PELI2: variants seen among roughly 807,000 people sequenced by gnomAD.
PELI2 encodes the protein pellino E3 ubiquitin protein ligase family member 2.
In PELI2, 23 loss-of-function variants were observed where a neutral mutation model predicts 42.3. That is an observed-to-expected ratio of 0.54 (90% CI 0.39 to 0.77). The LOEUF (loss-of-function observed/expected upper bound fraction) is 0.77, where lower values mean the gene tolerates loss of function less well. PELI2 is among the 30% of genes least tolerant of loss of function. The probability of loss-of-function intolerance (pLI) is 0.00; values close to 1 mark genes in which losing one functional copy is unlikely to be tolerated. For missense variants in PELI2, 463 were observed against 553.2 expected (o/e 0.84, Z 1.64); for synonymous variants, 245 against 212.2 (o/e 1.15, Z -1.34).
At chr14:56,145,190 G>A (rs556784549) in intron 1 of PELI2, among the ~76,000 whole-genome samples, 3 of 152,284 alleles carry the variant, frequency 2.0e-5, no homozygotes, top group African/African-American at 7.2e-5. Context: ...TCTTCACATG[G>A]CAGAGCAGGA....
intron 1 of PELI2, among the ~76,000 whole-genome samples, chr14:56,176,127 GCAT>G (rs1885372597): frequency 1.3e-5 from 2 of 152,230 alleles, no homozygotes; most frequent in Non-Finnish European, 2.9e-5. Flanking sequence ...GAAGATGTTG[GCAT>G]GGCCATTTCA....
At chr14:56,144,729 A>G (rs771813569) in intron 1 of PELI2, among the ~76,000 whole-genome samples, 24 of 152,236 alleles carry the variant, frequency 1.6e-4, no homozygotes, top group Non-Finnish European at 3.1e-4. Context: ...AAAATTTTGT[A>G]AAGACATGAT....
chr14:56,173,822 A>G (rs1885267706), intron 1 of PELI2, among the ~76,000 whole-genome samples: 1 of 152,336 alleles, frequency 6.6e-6, no homozygotes, highest in East Asian at 1.9e-4. Context: ...GTAATCGAGG[A>G]TGATCTCATC....
chr14:56,239,519 C>G (rs1160873689), intron 2 of PELI2, among the ~76,000 whole-genome samples: 2 of 152,096 alleles, frequency 1.3e-5, no homozygotes, highest in East Asian at 3.8e-4. Context: ...ATTTTTAAAC[C>G]TGCCCTTATT....
intron 1 of PELI2, among the ~76,000 whole-genome samples, chr14:56,125,557 C>CT (rs1277098716): frequency 1.3e-5 from 2 of 151,926 alleles, no homozygotes; most frequent in African/African-American, 2.4e-5. Flanking sequence ...TTTTTACTTA[C>CT]TTTTTTTTCT....
intron 1 of PELI2, among the ~76,000 whole-genome samples, chr14:56,132,195 C>T (rs988647578): frequency 9.2e-5 from 14 of 152,128 alleles, no homozygotes; most frequent in South Asian, 2.1e-4. Flanking sequence ...CTGAGTGACT[C>T]GTGTGACTCT....
intron 2 of PELI2, among the ~76,000 whole-genome samples, chr14:56,213,962 C>T (rs1886803261): frequency 6.6e-6 from 1 of 152,116 alleles, no homozygotes; most frequent in African/African-American, 2.4e-5. Context: ...GGTGATTCTC[C>T]CACCTCAGCC....
chr14:56,289,125 G>T (rs1889742014), intron 4 of PELI2, among the ~76,000 whole-genome samples: 1 of 152,138 alleles, frequency 6.6e-6, no homozygotes, highest in East Asian at 1.9e-4. Flanking sequence ...AAGTTTTAGT[G>T]AATATCCAGG....
intron 2 of PELI2, among the ~76,000 whole-genome samples, chr14:56,195,454 G>A (rs1886098019): frequency 6.6e-6 from 1 of 152,192 alleles, no homozygotes; most frequent in African/African-American, 2.4e-5. Flanking sequence ...GCTGGTTTGA[G>A]GCTGAAGCAG....
At chr14:56,188,598 A>G (rs1320104753) in intron 2 of PELI2, among the ~76,000 whole-genome samples, 3 of 152,164 alleles carry the variant, frequency 2.0e-5, no homozygotes, top group Non-Finnish European at 4.4e-5. Flanking sequence ...AAATTTTTCT[A>G]TTATAAATAG....
intron 2 of PELI2, among the ~76,000 whole-genome samples, chr14:56,233,159 C>G (rs144505654): frequency 0.4 from 61,272 of 151,886 alleles, 13,073 homozygotes; most frequent in South Asian, 0.53. Flanking sequence ...GAATCAATAT[C>G]GTGAAATGGC....
chr14:56,125,402 G>A (rs1883214632), intron 1 of PELI2, among the ~76,000 whole-genome samples: 1 of 124,406 alleles, frequency 8.0e-6, no homozygotes, highest in African/African-American at 2.9e-5. Flanking sequence ...GAGGAAGAGA[G>A]TTATTGGGTG....
At chr14:56,295,017 A>G (rs1273803890) in intron 5 of PELI2, among the ~76,000 whole-genome samples, 1 of 152,094 alleles carries the variant, frequency 6.6e-6, no homozygotes, top group Non-Finnish European at 1.5e-5. Context: ...TGTGGAAAGC[A>G]CTGTTCTACC....
At chr14:56,251,864 G>C (rs1888355740) in intron 2 of PELI2, among the ~76,000 whole-genome samples, 1 of 152,182 alleles carries the variant, frequency 6.6e-6, no homozygotes, top group South Asian at 2.1e-4. Flanking sequence ...GGATGTTTTA[G>C]CTATTCAATT....
intron 5 of PELI2, among the ~76,000 whole-genome samples, chr14:56,293,838 A>G (rs977557879): frequency 6.6e-6 from 1 of 152,234 alleles, no homozygotes; most frequent in Non-Finnish European, 1.5e-5. Flanking sequence ...TTGTTTACCA[A>G]GAACTGCCCT....
At chr14:56,262,229 C>T (rs980850013) in intron 2 of PELI2, among the ~76,000 whole-genome samples, 2 of 152,174 alleles carry the variant, frequency 1.3e-5, no homozygotes, top group African/African-American at 2.4e-5. Flanking sequence ...CTAACACTAA[C>T]CCTGGTATTT....
rs143672361 is a variant in PELI2 at position 56,181,384 on chromosome 14, G to T, written c.207+2920G>T. 7.0e-4 allele frequency among the ~76,000 whole-genome samples: 83 copies of T among 118,546 alleles called. No individual in the cohort carries two copies. In the East Asian group the frequency reaches 0.018, roughly 25 times the overall value. The allele number at this position is 118,546 out of a possible 152,430, so 77.8% of individuals were successfully genotyped here. On this transcript the variant is annotated intron_variant, in intron 2 of 5. Coordinates refer to ENST00000267460, the MANE Select transcript of PELI2 (RefSeq NM_021255.3). ...TTTTGGTCTTTATTACTCACCCCAT[G>T]CCCCTTAAGAATGCCAGTAAATGTC... is the stretch of plus-strand genomic sequence containing the variant.
chr14:56,257,309 T>C (rs1369865732), intron 2 of PELI2, among the ~76,000 whole-genome samples: 2 of 152,144 alleles, frequency 1.3e-5, no homozygotes, highest in African/African-American at 4.8e-5. Context: ...AAGAAGTAAG[T>C]AAGTAAAATA....
chr14:56,294,172 G>A (rs1246275730), intron 5 of PELI2, among the ~76,000 whole-genome samples: 1 of 152,144 alleles, frequency 6.6e-6, no homozygotes, highest in Non-Finnish European at 1.5e-5. Context: ...ACTAATACTT[G>A]GGAAGGGCTG....
Sources: allele counts gnomAD v4.1 joint callset (sites outside exome capture counted in the v4.1 genomes callset), GRCh38; gene constraint gnomAD v4.1.1; transcripts MANE v1.5; gene names NCBI Gene and HGNC (gene_info 2026-07-23, HGNC 2026-07-21).